The following DOCK5 variants were observed in gnomAD, a reference collection of about 807,000 sequenced individuals.
DOCK5 encodes the protein dedicator of cytokinesis protein 5.
DOCK5 carries 142 observed loss-of-function variants against 251.8 expected under a neutral mutation model. The observed-to-expected ratio is 0.56, with a 90% CI of 0.49 to 0.65. DOCK5 has a LOEUF of 0.65. Ranked by LOEUF, DOCK5 falls within the 30% of genes least tolerant of loss-of-function variation. The pLI is 0.00. For synonymous variants in DOCK5, 842 were observed against 835.5 expected (o/e 1.01, Z -0.13); for missense variants, 2,111 against 2,312.3 (o/e 0.91, Z 1.79).
intron 21 of DOCK5, 109 bp from the exon 22 acceptor site, chr8:25,336,130 G>A: frequency 8.2e-7 from 1 of 1,215,738 alleles, no homozygotes; most frequent in Admixed American, 2.4e-5. Flanking sequence ...GATATAATTA[G>A]TTATGACTTC....
intron 28 of DOCK5, 123 bp downstream of exon 28, chr8:25,359,184 T>C: frequency 2.6e-6 from 2 of 766,794 alleles, no homozygotes; most frequent in Non-Finnish European, 4.5e-6. Flanking sequence ...GCTATGTGGC[T>C]GTCCACAGTG....
At chr8:25,250,519 T>G (rs1169133533) in intron 2 of DOCK5, among the ~76,000 whole-genome samples, 1 of 152,170 alleles carries the variant, frequency 6.6e-6, no homozygotes, top group East Asian at 1.9e-4. Context: ...CCACCCCAGA[T>G]CCATGGCAGA....
At chr8:25,240,515 G>A (rs1315192984) in intron 1 of DOCK5, among the ~76,000 whole-genome samples, 1 of 152,098 alleles carries the variant, frequency 6.6e-6, no homozygotes, top group Non-Finnish European at 1.5e-5. Context: ...GCCTTTGATA[G>A]ATTTGCTAAA....
chr8:25,392,024 C>A, intron 43 of DOCK5, 44 bp downstream of exon 43: 1 of 1,580,446 alleles, frequency 6.3e-7, no homozygotes, highest in Non-Finnish European at 8.7e-7. Flanking sequence ...AATTAACGGG[C>A]TGAGCACGGT....
At chr8:25,334,286 A>G (rs1805749289) in intron 21 of DOCK5, 90 bp downstream of exon 21, 2 of 1,058,410 alleles carry the variant, frequency 1.9e-6, no homozygotes, top group African/African-American at 1.6e-5. Flanking sequence ...CGGACCTATT[A>G]CTATTCAGTA....
At chr8:25,383,326 T>G (rs1801103827) in intron 40 of DOCK5, among the ~76,000 whole-genome samples, 2 of 152,246 alleles carry the variant, frequency 1.3e-5, no homozygotes, top group Admixed American at 1.3e-4. Flanking sequence ...ATTATCCATC[T>G]GCTTTCTCCT....
At chr8:25,226,409 C>T (rs987233982) in intron 1 of DOCK5, among the ~76,000 whole-genome samples, 33 of 151,318 alleles carry the variant, frequency 2.2e-4, no homozygotes, top group Non-Finnish European at 4.4e-5. Context: ...ATTACAGGCT[C>T]GTGCCACCAT....
chr8:25,389,373 A>G (rs1279131619), intron 41 of DOCK5, 141 bp downstream of exon 41: 16 of 1,159,280 alleles, frequency 1.4e-5, no homozygotes, highest in Non-Finnish European at 1.8e-5. Context: ...TTCCCATTCC[A>G]TGTAAAATCT....
At chr8:25,286,161 C>G (rs1048410268) in intron 5 of DOCK5, among the ~76,000 whole-genome samples, 1 of 152,004 alleles carries the variant, frequency 6.6e-6, no homozygotes, top group Non-Finnish European at 1.5e-5. Flanking sequence ...CAGTGTAGCT[C>G]AAGAACACAG....
intron 22 of DOCK5, among the ~76,000 whole-genome samples, chr8:25,338,396 T>A (rs1230250997): frequency 6.6e-6 from 1 of 152,222 alleles, no homozygotes; most frequent in Non-Finnish European, 1.5e-5. Context: ...TATTTTTTCA[T>A]TCTTTATGTT....
Position 25,414,924 on chromosome 8 carries a change from A to ATTTTTTTTTT in DOCK5, c.*3630_*3631insTTTTTTTTTT, listed in dbSNP as rs1205298349. The ATTTTTTTTTT allele has an allele frequency of 4.0e-4, 26 of 64,240 alleles. No homozygotes were observed. The highest frequency in any genetic ancestry group is 5.4e-4 in the African/African-American group (9 of 16,688). The allele number at this position is 64,240 out of a possible 1,614,324, so 4.0% of individuals were successfully genotyped here. On this transcript the variant is annotated 3_prime_UTR_variant, in exon 52 of 52. Transcript: ENST00000276440. ...CTGGGCCTGTCTTTTTTTTTTTTTA[A>ATTTTTTTTTT]TTTTGAAGCTACCTGAGGTTTAGAA...
At chr8:25,191,345 A>G (rs553854040) in intron 1 of DOCK5, among the ~76,000 whole-genome samples, 1 of 152,360 alleles carries the variant, frequency 6.6e-6, no homozygotes, top group Admixed American at 6.5e-5. Flanking sequence ...GAAGTCAGAC[A>G]TTAAAGAGAC....
At chr8:25,342,356 T>C in intron 24 of DOCK5, 45 bp from the exon 25 acceptor site, 1 of 1,471,734 alleles carries the variant, frequency 6.8e-7, no homozygotes, top group East Asian at 2.5e-5. Flanking sequence ...ATGCCTTCAA[T>C]TTGGCAGAAC....
intron 28 of DOCK5, among the ~76,000 whole-genome samples, chr8:25,361,929 A>C (rs1450735605): frequency 1.3e-5 from 2 of 152,252 alleles, no homozygotes; most frequent in African/African-American, 4.8e-5. Flanking sequence ...GAAACTGGAC[A>C]GGACTTTCAA....
At chr8:25,197,514 A>G (rs1275333263) in intron 1 of DOCK5, among the ~76,000 whole-genome samples, 1 of 150,398 alleles carries the variant, frequency 6.6e-6, no homozygotes, top group Admixed American at 6.6e-5. Context: ...CCCTGTCACT[A>G]TCCACATCAG....
intron 10 of DOCK5, 37 bp from the exon 11 acceptor site, chr8:25,304,218 C>A: frequency 6.6e-7 from 1 of 1,526,142 alleles, no homozygotes. Context: ...AGGCATGAAG[C>A]AATTAGTTTC....
intron 40 of DOCK5, among the ~76,000 whole-genome samples, chr8:25,384,466 T>TATTTATTTATTTA (rs111515435): frequency 0.052 from 6,725 of 129,746 alleles, 209 homozygotes; most frequent in Middle Eastern, 0.072. Flanking sequence ...TTTATTTATT[T>TATTTATTTATTTA]TTTTTTTTTT....
intron 9 of DOCK5, 41 bp from the exon 10 acceptor site, chr8:25,302,284 G>A: frequency 6.4e-7 from 1 of 1,564,430 alleles, no homozygotes; most frequent in Non-Finnish European, 8.7e-7. Flanking sequence ...TGACACAGTG[G>A]TCCAGCCCCA....
intron 2 of DOCK5, among the ~76,000 whole-genome samples, chr8:25,261,048 G>C (rs1000028175): frequency 2.0e-5 from 3 of 152,038 alleles, no homozygotes; most frequent in African/African-American, 7.2e-5. Context: ...CAAAGTGCTG[G>C]AATTATGGAT....
Sources: allele counts gnomAD v4.1 joint callset (sites outside exome capture counted in the v4.1 genomes callset), GRCh38; gene constraint gnomAD v4.1.1; transcripts MANE v1.5; gene names NCBI Gene and HGNC (gene_info 2026-07-23, HGNC 2026-07-21).